The following ERCC1 variants were observed in gnomAD, a reference collection of about 807,000 sequenced individuals.
ERCC1 encodes the protein ERCC excision repair 1, endonuclease non-catalytic subunit.
ERCC1 carries 36 observed loss-of-function variants against 37.6 expected under a neutral mutation model. The observed-to-expected ratio is 0.96, with a 90% CI of 0.73 to 1.26. The LOEUF (loss-of-function observed/expected upper bound fraction) is 1.26. ERCC1 is among the 50% of genes most tolerant of loss of function. The probability of loss-of-function intolerance (pLI) is 0.00; values close to 1 mark genes in which losing one functional copy is unlikely to be tolerated. For missense variants in ERCC1, 349 were observed against 376.5 expected, an observed-to-expected ratio of 0.93 and a Z score of 0.60; for synonymous variants, 156 against 162.1, an observed-to-expected ratio of 0.96 and a Z score of 0.28.
intron 4 of ERCC1, 76 bp from the exon 5 acceptor site, chr19:45,419,273 G>T: frequency 9.9e-7 from 1 of 1,013,600 alleles, no homozygotes; most frequent in Non-Finnish European, 1.5e-6. Flanking sequence ...CCTCTCACTG[G>T]AATACTAAGG....
At chr19:45,423,494 G>T in intron 1 of ERCC1, 113 bp from the exon 2 acceptor site, 1 of 1,498,662 alleles carries the variant, frequency 6.7e-7, no homozygotes. Context: ...GCTCCATAGC[G>T]TCAGGTCCCC....
chr19:45,440,257 C>G (rs2123601185), intron 1 of ERCC1, among the ~76,000 whole-genome samples: 1 of 152,060 alleles, frequency 6.6e-6, no homozygotes, highest in East Asian at 1.9e-4. Flanking sequence ...CAGCGATGTC[C>G]CCCACTGGTA....
intron 3 of ERCC1, 151 bp downstream of exon 3, chr19:45,421,027 C>T: frequency 2.7e-6 from 2 of 739,288 alleles, no homozygotes; most frequent in Admixed American, 4.1e-5. Flanking sequence ...ACTCTCAACC[C>T]ACACACTGCT....
chr19:45,413,191 T>TA (rs1973845755), intron 9 of ERCC1, among the ~76,000 whole-genome samples: 1 of 152,230 alleles, frequency 6.6e-6, no homozygotes, highest in South Asian at 2.1e-4. Flanking sequence ...ATTGAGGTCT[T>TA]AGATTTAAGT....
At chr19:45,419,014 G>T in intron 5 of ERCC1, 84 bp downstream of exon 5, 1 of 912,274 alleles carries the variant, frequency 1.1e-6, no homozygotes, top group Non-Finnish European at 1.8e-6. Context: ...GGTTTTAGCT[G>T]CATTTCCTCT....
At chr19:45,432,620 T>G (rs1261568132) in intron 1 of ERCC1, among the ~76,000 whole-genome samples, 1 of 152,150 alleles carries the variant, frequency 6.6e-6, no homozygotes, top group African/African-American at 2.4e-5. Context: ...CATAACTCAC[T>G]GCACGCTTTG....
At chr19:45,412,800 C>T (rs1443085841) in intron 9 of ERCC1, among the ~76,000 whole-genome samples, 2 of 150,460 alleles carry the variant, frequency 1.3e-5, no homozygotes, top group African/African-American at 2.5e-5. Context: ...AGTGCAATGG[C>T]GCTATCTTGG....
intron 1 of ERCC1, among the ~76,000 whole-genome samples, chr19:45,446,184 G>A (rs1202796869): frequency 6.6e-6 from 1 of 152,180 alleles, no homozygotes; most frequent in Non-Finnish European, 1.5e-5. Context: ...ACAGGCGTGA[G>A]CCACCGCGCC....
chr19:45,437,617 C>T (rs886287231), intron 1 of ERCC1, among the ~76,000 whole-genome samples: 2 of 152,134 alleles, frequency 1.3e-5, no homozygotes, highest in African/African-American at 4.8e-5. Flanking sequence ...AGACAAACAC[C>T]ACATGATCCC....
intron 9 of ERCC1, among the ~76,000 whole-genome samples, chr19:45,411,114 G>A (rs1042633116): frequency 4.6e-5 from 7 of 152,110 alleles, no homozygotes; most frequent in Admixed American, 2.6e-4. Flanking sequence ...GTGAGCCACC[G>A]CGCCCAGCCA....
At chr19:45,444,404 A>G (rs1339225375) in intron 1 of ERCC1, among the ~76,000 whole-genome samples, 2 of 144,472 alleles carry the variant, frequency 1.4e-5, no homozygotes, top group Non-Finnish European at 3.0e-5. Flanking sequence ...GCGGTGGCCC[A>G]GAGACCCAGT....
At position 45,423,844 on chromosome 19, in the gene ERCC1, G is replaced by C. The variant is rs1599845212; in HGVS notation, c.-71C>G. Reference sequence around the variant, plus strand: ...TCACCTGCTGGTCTTGGAGCCTCAAGGGAAAGACTGCAGAGGGATCGAGGC... The same window carrying C: ...TCACCTGCTGGTCTTGGAGCCTCAACGGAAAGACTGCAGAGGGATCGAGGC... On this transcript the variant is annotated 5_prime_UTR_variant, in exon 1 of 10. Coordinates refer to ENST00000300853, the MANE Select transcript of ERCC1 (RefSeq NM_001983.4). 8 of 1,138,402 alleles carry C rather than the reference G, an allele frequency of 7.0e-6. No individual in the cohort carries two copies. The East Asian group carries it at 3.4e-4, about 48-fold the overall frequency. The allele number at this position is 1,138,402 out of a possible 1,614,324, so 70.5% of individuals were successfully genotyped here. A position where few individuals can be genotyped will look rare whatever the true frequency, so the allele number is the denominator to read the frequency against.
intron 1 of ERCC1, among the ~76,000 whole-genome samples, chr19:45,431,743 G>A (rs1454380460): frequency 1.3e-5 from 2 of 149,884 alleles, no homozygotes; most frequent in African/African-American, 2.5e-5. Context: ...ATGTTAAAAT[G>A]AGCTGTGCTT....
rs1173130858 is a variant in ERCC1, at chr19:45,420,876, G to A, written c.321+302C>T. Among the ~76,000 whole-genome samples, 2 of 152,076 alleles carry A rather than the reference G, an allele frequency of 1.3e-5. No individual in the cohort carries two copies. Among genetic ancestry groups the A allele is most frequent in the Admixed American group, 6.6e-5 (1 of 15,242 alleles). ...GACCTCAGGTGATCCACCTGCCTCA[G>A]CCTCTCCAAAGTGCTGGGATTACAG... On this transcript the variant is annotated intron_variant, in intron 3 of 9. Transcript: ENST00000300853. The surrounding 1 kb of genome is among the most constrained non-coding windows in gnomAD (Gnocchi z 4.8).
chr19:45,416,770 G>C (rs1314122803), intron 6 of ERCC1, 51 bp downstream of exon 6: 1 of 1,425,468 alleles, frequency 7.0e-7, no homozygotes, highest in Non-Finnish European at 9.9e-7. Context: ...TGGGGGAGCA[G>C]GGACCAATCC....
intron 1 of ERCC1, among the ~76,000 whole-genome samples, chr19:45,431,495 C>T (rs7259762): frequency 0.24 from 35,929 of 151,922 alleles, 4,597 homozygotes; most frequent in Admixed American, 0.34. Context: ...CTGACCAACA[C>T]GGAGAAACCC....
intron 1 of ERCC1, among the ~76,000 whole-genome samples, chr19:45,450,893 C>T (rs1460427572): frequency 4.0e-5 from 2 of 50,312 alleles, no homozygotes; most frequent in East Asian, 4.3e-4. Context: ...GCCCGCCCCC[C>T]CCCCCCCCCC....
At chr19:45,434,596 T>G (rs528289874) in intron 1 of ERCC1, among the ~76,000 whole-genome samples, 2 of 152,228 alleles carry the variant, frequency 1.3e-5, no homozygotes, top group African/African-American at 4.8e-5. Flanking sequence ...TTTTTGCTTT[T>G]GTTTTCCGAG....
chr19:45,414,787 A>G (rs2123473461), intron 7 of ERCC1, 74 bp downstream of exon 7: 2 of 1,050,332 alleles, frequency 1.9e-6, no homozygotes, highest in Non-Finnish European at 3.0e-6. Context: ...AGTGCCTTAA[A>G]ATTGGAACTG....
Sources: gnomAD v4.1 joint callset for allele counts (sites outside exome capture counted in the v4.1 genomes callset) on GRCh38, gnomAD v4.1.1 for gene constraint, Gnocchi (gnomAD v3.1) non-coding constraint, MANE v1.5 for transcripts, NCBI Gene and HGNC (gene_info 2026-07-23, HGNC 2026-07-21) for gene names.